GPC6: variants seen among roughly 807,000 people sequenced by gnomAD.
The protein encoded by GPC6 is glypican-6.
Under a neutral mutation model 55.2 loss-of-function variants are expected in GPC6, and 14 were observed. The ratio of observed to expected loss-of-function variants is 0.25; its 90% CI spans 0.17 to 0.40. The LOEUF (loss-of-function observed/expected upper bound fraction) is 0.40. Ranked by LOEUF, GPC6 falls within the 10% of genes least tolerant of loss-of-function variation. The probability of loss-of-function intolerance (pLI) is 1.00; values close to 1 mark genes in which losing one functional copy is unlikely to be tolerated. For missense variants in GPC6, 641 were observed against 708.5 expected (o/e 0.90, Z 1.08); for synonymous variants, 278 against 259.6 (o/e 1.07, Z -0.68).
chr13:93,610,196 G>A (rs556588291), intron 2 of GPC6, among the ~76,000 whole-genome samples: 2 of 152,104 alleles, frequency 1.3e-5, no homozygotes, highest in African/African-American at 2.4e-5. Flanking sequence ...AAAAAACTTC[G>A]TAAGTTTCAA....
rs776003680 is a variant in GPC6 at position 94,186,059 on chromosome 13, C to CA, written c.878-100290_878-100289insA. On this transcript the variant is annotated intron_variant, in intron 4 of 8. Transcript: ENST00000377047. ...TAGGTGACAGAGCGAGACTCCGTCTCCAAAAAAAAAAAAAAAAAAAAGGTT... is the reference window on the plus strand; with the variant it reads ...TAGGTGACAGAGCGAGACTCCGTCTCACAAAAAAAAAAAAAAAAAAAAGGTT... 6.3e-5 allele frequency among the ~76,000 whole-genome samples: 4 copies of CA among 63,840 alleles called. 1 individual carries two copies. The highest frequency in any genetic ancestry group is 6.7e-4 in the South Asian group (1 of 1,498). The allele number at this position is 63,840 out of a possible 152,430, so 41.9% of individuals were successfully genotyped here. A position where few individuals can be genotyped will look rare whatever the true frequency, so the allele number is the denominator to read the frequency against.
intron 1 of GPC6, among the ~76,000 whole-genome samples, chr13:93,296,079 C>T (rs1299947743): frequency 6.6e-6 from 1 of 152,098 alleles, no homozygotes; most frequent in African/African-American, 2.4e-5. Context: ...CCTCTTAAAA[C>T]AGGGGGATTT....
Position 93,811,182 on chromosome 13 carries a change from C to A in GPC6, c.320-18972C>A, listed in dbSNP as rs895006087. 2.0e-5 allele frequency among the ~76,000 whole-genome samples: 3 copies of A among 152,334 alleles called. No homozygotes were observed. In the South Asian group the frequency reaches 6.2e-4, roughly 32 times the overall value. On this transcript the variant is annotated intron_variant, in intron 2 of 8. Transcript: ENST00000377047. ...TACAGAAGGAAAATGAAGTAAATATCTGGCAATTAATTACTTAAAAGGTTA... is the reference window on the plus strand; with the variant it reads ...TACAGAAGGAAAATGAAGTAAATATATGGCAATTAATTACTTAAAAGGTTA...
intron 6 of GPC6, among the ~76,000 whole-genome samples, chr13:94,348,901 A>G (rs941949019): frequency 6.6e-6 from 1 of 152,210 alleles, no homozygotes; most frequent in African/African-American, 2.4e-5. Flanking sequence ...CAACAGAGCA[A>G]AAACGAAACA....
At chr13:93,719,330 A>G (rs1389110787) in intron 2 of GPC6, among the ~76,000 whole-genome samples, 3 of 151,966 alleles carry the variant, frequency 2.0e-5, no homozygotes, top group Non-Finnish European at 1.5e-5. Flanking sequence ...TAGGAATTTT[A>G]TTCTCTTTGT....
chr13:94,336,136 C>G (rs1410090585), intron 6 of GPC6, among the ~76,000 whole-genome samples: 1 of 152,072 alleles, frequency 6.6e-6, no homozygotes, highest in South Asian at 2.1e-4. Flanking sequence ...ATGACACACC[C>G]GAGCCGCAGG....
chr13:93,490,608 C>G (rs1458784009), intron 1 of GPC6, among the ~76,000 whole-genome samples: 1 of 128,946 alleles, frequency 7.8e-6, no homozygotes, highest in Non-Finnish European at 1.6e-5. Context: ...CATGCTGGTG[C>G]GCTGCACCCA....
chr13:93,516,703 T>A (rs925932563), intron 1 of GPC6, among the ~76,000 whole-genome samples: 16 of 152,050 alleles, frequency 1.1e-4, no homozygotes, highest in Non-Finnish European at 1.9e-4. Context: ...CAAAAAGGTA[T>A]TTATTTTGCA....
intron 3 of GPC6, among the ~76,000 whole-genome samples, chr13:93,888,961 T>C (rs1875503110): frequency 6.6e-6 from 1 of 152,104 alleles, no homozygotes; most frequent in Non-Finnish European, 1.5e-5. Context: ...GCACAAAAGA[T>C]ATATTTACAA....
At chr13:93,659,217 T>C (rs1376844260) in intron 2 of GPC6, among the ~76,000 whole-genome samples, 1 of 151,938 alleles carries the variant, frequency 6.6e-6, no homozygotes, top group East Asian at 1.9e-4. Context: ...GTGTCCTCCT[T>C]TGGTCTTCTC....
chr13:94,288,674 C>A (rs1874678575), intron 5 of GPC6, among the ~76,000 whole-genome samples: 1 of 140,594 alleles, frequency 7.1e-6, no homozygotes, highest in Non-Finnish European at 1.5e-5. Context: ...GTCCATCTTG[C>A]AATTCTCTAT....
intron 3 of GPC6, among the ~76,000 whole-genome samples, chr13:93,877,059 A>G (rs1874634618): frequency 6.6e-6 from 1 of 152,124 alleles, no homozygotes; most frequent in Non-Finnish European, 1.5e-5. Context: ...AGGAATGGGT[A>G]TATCTTCCTG....
chr13:94,291,051 G>A lies in GPC6; in HGVS notation c.1008+4572G>A, dbSNP rs556017867. On this transcript the variant is annotated intron_variant, in intron 5 of 8. Transcript: ENST00000377047. Reference sequence around the variant, plus strand: ...TACTAAAACTACAAAAATTAGCTAAGCATGGTGGTGCATGCCTGTTAATCC... The same window carrying A: ...TACTAAAACTACAAAAATTAGCTAAACATGGTGGTGCATGCCTGTTAATCC... 3.3e-5 allele frequency among the ~76,000 whole-genome samples: 5 copies of A among 152,206 alleles called. No homozygotes were observed. In the South Asian group the frequency reaches 1.0e-3, roughly 32 times the overall value.
At chr13:93,873,317 C>G (rs1889187476) in intron 3 of GPC6, among the ~76,000 whole-genome samples, 1 of 151,878 alleles carries the variant, frequency 6.6e-6, no homozygotes, top group Non-Finnish European at 1.5e-5. Flanking sequence ...TTGCCTCTTT[C>G]TTTTTAATTT....
chr13:93,863,270 A>C (rs1363607100), intron 3 of GPC6, among the ~76,000 whole-genome samples: 1 of 151,664 alleles, frequency 6.6e-6, no homozygotes, highest in African/African-American at 2.4e-5. Flanking sequence ...ATTTATTTTC[A>C]TATGAGCCAT....
intron 1 of GPC6, among the ~76,000 whole-genome samples, chr13:93,342,273 T>G (rs911041988): frequency 6.6e-6 from 1 of 152,148 alleles, no homozygotes; most frequent in Non-Finnish European, 1.5e-5. Context: ...ATTTTTATAC[T>G]GCTATGAAGA....
At chr13:94,187,640 C>T (rs937363354) in intron 4 of GPC6, among the ~76,000 whole-genome samples, 8 of 152,104 alleles carry the variant, frequency 5.3e-5, no homozygotes, top group African/African-American at 1.2e-4. Context: ...TGTCCACTAT[C>T]GGGCAAACAT....
At chr13:94,030,002 G>T (rs1276177355) in intron 4 of GPC6, among the ~76,000 whole-genome samples, 1 of 147,810 alleles carries the variant, frequency 6.8e-6, no homozygotes, top group East Asian at 2.0e-4. Context: ...CTTTCTTCCC[G>T]TCTTTTTTTT....
intron 4 of GPC6, among the ~76,000 whole-genome samples, chr13:94,261,099 C>T (rs1165018125): frequency 6.6e-6 from 1 of 151,980 alleles, no homozygotes; most frequent in Non-Finnish European, 1.5e-5. Flanking sequence ...CATGGTGAAA[C>T]CCCATGTCTA....
Sources: allele counts gnomAD v4.1 joint callset (sites outside exome capture counted in the v4.1 genomes callset), GRCh38; gene constraint gnomAD v4.1.1; transcripts MANE v1.5; gene names NCBI Gene and HGNC (gene_info 2026-07-23, HGNC 2026-07-21).